Variants in SEMA6A observed in about 807,000 individuals in gnomAD.
SEMA6A encodes the protein semaphorin-6A.
A neutral mutation model predicts 96.8 loss-of-function variants in SEMA6A; 25 were observed. That is an observed-to-expected ratio of 0.26 (90% CI 0.19 to 0.36). The LOEUF is 0.36. SEMA6A is among the 10% of genes least tolerant of loss of function. SEMA6A has a pLI of 1.00. For missense variants in SEMA6A, 1,363 were observed against 1,323.1 expected, an observed-to-expected ratio of 1.03 and a Z score of -0.47; for synonymous variants, 612 against 518.0, an observed-to-expected ratio of 1.18 and a Z score of -2.46.
At chr5:116,504,427 AT>A in intron 2 of SEMA6A, among the ~76,000 whole-genome samples, 2 of 152,178 alleles carry the variant, frequency 1.3e-5, no homozygotes, top group South Asian at 4.2e-4. Flanking sequence ...TCCAAAAAAA[AT>A]TTTTCTCTGA....
At chr5:116,551,653 A>T (rs911976413) in intron 1 of SEMA6A, among the ~76,000 whole-genome samples, 68 of 152,186 alleles carry the variant, frequency 4.5e-4, no homozygotes, top group African/African-American at 1.6e-3. Flanking sequence ...CAGGTCAGTG[A>T]CATGCAGTCT....
At chr5:116,548,636 C>G (rs1225675772) in intron 1 of SEMA6A, among the ~76,000 whole-genome samples, 2 of 152,098 alleles carry the variant, frequency 1.3e-5, no homozygotes. Context: ...TCCAAAAATC[C>G]CCTTTCCAAT....
At chr5:116,505,439 GTA>G (rs1730301674) in intron 1 of SEMA6A, among the ~76,000 whole-genome samples, 1 of 141,570 alleles carries the variant, frequency 7.1e-6, no homozygotes, top group South Asian at 2.3e-4. Flanking sequence ...CAACACACAG[GTA>G]CACAGACACA....
intron 1 of SEMA6A, among the ~76,000 whole-genome samples, chr5:116,533,826 C>G: frequency 6.6e-6 from 1 of 152,246 alleles, no homozygotes. Context: ...CACCTCCAGG[C>G]TTCACTCCCT....
intron 1 of SEMA6A, among the ~76,000 whole-genome samples, chr5:116,513,150 G>A (rs1274624345): frequency 1.3e-5 from 2 of 151,676 alleles, no homozygotes; most frequent in African/African-American, 2.4e-5. Flanking sequence ...CCCCCGCGAC[G>A]GAGTTTCGCT....
intron 1 of SEMA6A, among the ~76,000 whole-genome samples, chr5:116,549,586 A>G (rs254226): frequency 0.74 from 112,410 of 152,042 alleles, 41,945 homozygotes; most frequent in East Asian, 0.87. Context: ...GTGGAAACAG[A>G]AGACATGAAA....
chr5:116,472,844 CTT>C, intron 17 of SEMA6A: 7 of 1,392,422 alleles, frequency 5.0e-6, no homozygotes, highest in Middle Eastern at 5.0e-4. Flanking sequence ...GGATGAATGA[CTT>C]CACGAATTTA....
chr5:116,514,297 G>A (rs767392810), intron 1 of SEMA6A, among the ~76,000 whole-genome samples: 2 of 151,926 alleles, frequency 1.3e-5, no homozygotes, highest in Non-Finnish European at 2.9e-5. Flanking sequence ...AGTATCTGTC[G>A]TTTTTTTACT....
chr5:116,564,908 A>G (rs1760968222), intron 1 of SEMA6A, among the ~76,000 whole-genome samples: 1 of 152,230 alleles, frequency 6.6e-6, no homozygotes, highest in Admixed American at 6.5e-5. Context: ...AAAGCTCTAC[A>G]TGTTTCCATT....
At position 116,446,317 on chromosome 5, in the gene SEMA6A, T is replaced by A; in HGVS notation, c.*296A>T. ...GGGGGATGGGGTAGGTATGTGCTTTTGGCTCATGTTTGTGATGATAACTGA... is the reference window on the plus strand; with the variant it reads ...GGGGGATGGGGTAGGTATGTGCTTTAGGCTCATGTTTGTGATGATAACTGA... On this transcript the variant is annotated 3_prime_UTR_variant, in exon 19 of 19. Coordinates refer to ENST00000343348, the MANE Select transcript of SEMA6A (RefSeq NM_020796.5). 1 of 297,654 alleles carries A rather than the reference T, an allele frequency of 3.4e-6. No homozygotes were observed. Among genetic ancestry groups the A allele is most frequent in the Non-Finnish European group, 6.2e-6 (1 of 160,352 alleles). The allele number at this position is 297,654 out of a possible 1,614,324, so 18.4% of individuals were successfully genotyped here. A position where few individuals can be genotyped will look rare whatever the true frequency, so the allele number is the denominator to read the frequency against.
At chr5:116,472,898 G>A in intron 17 of SEMA6A, 175 bp downstream of exon 17, 1 of 1,511,488 alleles carries the variant, frequency 6.6e-7, no homozygotes, top group South Asian at 1.3e-5. Context: ...ACACTGTGTT[G>A]TAAGACATTT....
chr5:116,463,739 A>T (rs1310542005), intron 18 of SEMA6A, among the ~76,000 whole-genome samples: 1 of 152,218 alleles, frequency 6.6e-6, no homozygotes, highest in African/African-American at 2.4e-5. Flanking sequence ...TTTCTGATTA[A>T]ATGGGAACTG....
intron 17 of SEMA6A, chr5:116,469,600 CA>C (rs1270015106): frequency 6.6e-6 from 1 of 152,194 alleles, no homozygotes; most frequent in East Asian, 1.9e-4. Context: ...ACCTCCCCTC[CA>C]AGTAGCAAGA....
chr5:116,507,916 T>A (rs1158488770), intron 1 of SEMA6A: 1 of 152,210 alleles, frequency 6.6e-6, no homozygotes, highest in African/African-American at 2.4e-5. Context: ...ACAGAAAACC[T>A]TAAGAACATT....
intron 16 of SEMA6A, 25 bp from the exon 17 acceptor site, chr5:116,473,118 G>T (rs748119517): frequency 3.8e-6 from 6 of 1,584,998 alleles, no homozygotes; most frequent in South Asian, 1.2e-5. Flanking sequence ...GGAGGAGAAG[G>T]TTACTTAATG....
chr5:116,473,467 T>C (rs1756277021), intron 16 of SEMA6A, among the ~76,000 whole-genome samples: 1 of 152,232 alleles, frequency 6.6e-6, no homozygotes, highest in Admixed American at 6.5e-5. Flanking sequence ...AAAACACTTA[T>C]TCTTTACATT....
rs537172893 is a variant in SEMA6A, at chr5:116,452,096, C to A, written c.1895-4285G>T. 5.4e-4 allele frequency among the ~76,000 whole-genome samples: 82 copies of A among 152,280 alleles called. 1 individual carries two copies. The highest frequency in any genetic ancestry group is 1.1e-3 in the Non-Finnish European group (72 of 68,022). ...AAGGGCCCTTGGAGGGTGGTGTACT[C>A]CCCTCCGCAGGTATCCTCCCACTGC... is the stretch of plus-strand genomic sequence containing the variant. On this transcript the variant is annotated intron_variant, in intron 18 of 18. Coordinates refer to ENST00000343348, the MANE Select transcript of SEMA6A (RefSeq NM_020796.5).
At chr5:116,541,412 C>G (rs1759958690) in intron 1 of SEMA6A, among the ~76,000 whole-genome samples, 1 of 151,474 alleles carries the variant, frequency 6.6e-6, no homozygotes, top group Non-Finnish European at 1.5e-5. Flanking sequence ...GAAGCAACCA[C>G]ATACTAACAT....
chr5:116,446,879 TGGAGG>T lies in SEMA6A; in HGVS notation c.2822_2826del (p.Ser941Ter). 1 of 1,613,956 alleles carries T rather than the reference TGGAGG, an allele frequency of 6.2e-7. No individual in the cohort carries two copies. The highest frequency in any genetic ancestry group is 8.5e-7 in the Non-Finnish European group (1 of 1,179,880). On this transcript the variant is annotated frameshift_variant, in exon 19 of 19. Coordinates refer to ENST00000343348, the MANE Select transcript of SEMA6A (RefSeq NM_020796.5). LOFTEE classifies it high-confidence loss of function. The stretch of plus-strand genomic sequence containing the variant: ...TGGTTTCTGGAGAGGTGAGAGGAAT[TGGAGG>T]AGTTAGTGTTGTTTCTTTTGAGAGT...
Sources: gnomAD v4.1 joint callset for allele counts (sites outside exome capture counted in the v4.1 genomes callset) on GRCh38, gnomAD v4.1.1 for gene constraint, MANE v1.5 for transcripts, NCBI Gene and HGNC (gene_info 2026-07-23, HGNC 2026-07-21) for gene names.